The following SLC16A7 variants were observed in gnomAD, a reference collection of about 807,000 sequenced individuals.
SLC16A7 encodes the protein monocarboxylate transporter 2.
In SLC16A7, 33 loss-of-function variants were observed where a neutral mutation model predicts 34.9. The ratio of observed to expected loss-of-function variants is 0.94; its 90% CI spans 0.72 to 1.26. The LOEUF (loss-of-function observed/expected upper bound fraction) is 1.26, where lower values mean the gene tolerates loss of function less well. Ranked by LOEUF, SLC16A7 falls within the 50% of genes most tolerant of loss-of-function variation. SLC16A7 has a pLI of 0.00. For missense variants in SLC16A7, 573 were observed against 578.1 expected, an observed-to-expected ratio of 0.99 and a Z score of 0.09; for synonymous variants, 201 against 206.6, an observed-to-expected ratio of 0.97 and a Z score of 0.23.
intron 2 of SLC16A7, chr12:59,664,920 A>G (rs182783751): frequency 3.3e-5 from 5 of 152,264 alleles, no homozygotes; most frequent in Middle Eastern, 3.4e-3. Context: ...AAAAGTGTCA[A>G]ACGCAGGTTC....
At chr12:59,765,393 A>G (rs1417739238) in intron 3 of SLC16A7, among the ~76,000 whole-genome samples, 2 of 152,242 alleles carry the variant, frequency 1.3e-5, no homozygotes, top group Non-Finnish European at 2.9e-5. Flanking sequence ...TGTTTTACAC[A>G]TGAAGTCCTT....
rs1953575823 is a variant in SLC16A7, at chr12:59,779,918, C to G, written c.*239C>G. 4.0e-5 allele frequency: 15 copies of G among 375,640 alleles called. No homozygotes were observed. In the South Asian group the frequency reaches 5.4e-4, roughly 14 times the overall value. The allele number at this position is 375,640 out of a possible 1,614,324, so 23.3% of individuals were successfully genotyped here. Reference sequence around the variant, plus strand: ...CCATGCTATAGGTTTATTTCCATACCTGACTCTGGGTGTGGTGGTTAAAAT... The same window carrying G: ...CCATGCTATAGGTTTATTTCCATACGTGACTCTGGGTGTGGTGGTTAAAAT... On this transcript the variant is annotated 3_prime_UTR_variant, in exon 6 of 6. Coordinates refer to ENST00000547379, the MANE Select transcript of SLC16A7 (RefSeq NM_001270623.2).
intron 2 of SLC16A7, among the ~76,000 whole-genome samples, chr12:59,697,298 A>G (rs1240978975): frequency 6.6e-6 from 1 of 152,028 alleles, no homozygotes; most frequent in African/African-American, 2.4e-5. Flanking sequence ...ATTCAGAACC[A>G]TTAACGAAAG....
intron 4 of SLC16A7, 73 bp downstream of exon 4, chr12:59,771,435 C>A: frequency 9.5e-7 from 1 of 1,055,006 alleles, no homozygotes; most frequent in Non-Finnish European, 1.3e-6. Context: ...GAATGAACAA[C>A]AGAAAATTCT....
At chr12:59,625,642 A>G (rs999733698) in intron 1 of SLC16A7, among the ~76,000 whole-genome samples, 2 of 151,960 alleles carry the variant, frequency 1.3e-5, no homozygotes, top group Admixed American at 1.3e-4. Context: ...TGAAAATAAG[A>G]GTAACAATTT....
chr12:59,780,291 G>A lies in SLC16A7; in HGVS notation c.*612G>A, dbSNP rs1883150461. 6.6e-6 allele frequency: 1 copy of A among 152,030 alleles called. No homozygotes were observed. The highest frequency in any genetic ancestry group is 6.6e-5 in the Admixed American group (1 of 15,224). 9.4% of individuals were successfully genotyped at this position (152,030 alleles called of 1,614,324 possible). A position where few individuals can be genotyped will look rare whatever the true frequency, so the allele number is the denominator to read the frequency against. Reference sequence around the variant, plus strand: ...GTCTGCGTGCTACTTTACAATGTTGGTTTTAAAGATAAGCACATGGGTAAA... The same window carrying A: ...GTCTGCGTGCTACTTTACAATGTTGATTTTAAAGATAAGCACATGGGTAAA... On this transcript the variant is annotated 3_prime_UTR_variant, in exon 6 of 6. Coordinates refer to ENST00000547379, the MANE Select transcript of SLC16A7 (RefSeq NM_001270623.2).
chr12:59,758,624 T>TCATAA (rs1443858959), intron 3 of SLC16A7, among the ~76,000 whole-genome samples: 2 of 152,108 alleles, frequency 1.3e-5, no homozygotes, highest in African/African-American at 4.8e-5. Context: ...GGAATCATAA[T>TCATAA]GATTACCAGT....
chr12:59,723,337 A>C (rs990636385), intron 3 of SLC16A7, among the ~76,000 whole-genome samples: 3 of 151,954 alleles, frequency 2.0e-5, no homozygotes, highest in Non-Finnish European at 2.9e-5. Context: ...CATTTAATAA[A>C]CATGTATTGA....
rs1879878475 is a variant in SLC16A7 at position 59,625,301 on chromosome 12, C to T, written c.-130+29065C>T. Among the ~76,000 whole-genome samples the T allele has an allele frequency of 2.6e-5, 4 of 151,936 alleles. No individual in the cohort carries two copies. The South Asian group carries it at 8.3e-4, about 32-fold the overall frequency. ...GCAAAATGACCTCACACTTCTAGTG[C>T]CCAGCACAATTCAACTGATGCAGTC... On this transcript the variant is annotated intron_variant, in intron 1 of 5. Coordinates refer to ENST00000547379, the MANE Select transcript of SLC16A7 (RefSeq NM_001270623.2).
At chr12:59,738,287 A>G (rs1877838353) in intron 3 of SLC16A7, among the ~76,000 whole-genome samples, 1 of 152,190 alleles carries the variant, frequency 6.6e-6, no homozygotes, top group Non-Finnish European at 1.5e-5. Context: ...TAAAATATGC[A>G]ACTATACTAT....
At chr12:59,689,834 G>A (rs1482340821) in intron 2 of SLC16A7, among the ~76,000 whole-genome samples, 2 of 151,904 alleles carry the variant, frequency 1.3e-5, no homozygotes, top group African/African-American at 4.8e-5. Flanking sequence ...TTTTTCCTAA[G>A]TTGAAAGGTG....
At chr12:59,670,101 C>T (rs1333768591) in intron 2 of SLC16A7, among the ~76,000 whole-genome samples, 1 of 152,164 alleles carries the variant, frequency 6.6e-6, no homozygotes, top group African/African-American at 2.4e-5. Flanking sequence ...AGGGGAATAT[C>T]CTCCCTTGCC....
intron 3 of SLC16A7, among the ~76,000 whole-genome samples, chr12:59,764,357 G>C (rs1881338493): frequency 1.3e-5 from 2 of 152,280 alleles, no homozygotes; most frequent in Admixed American, 6.5e-5. Context: ...TATACTTTAA[G>C]TTTTAGAGTA....
intron 3 of SLC16A7, among the ~76,000 whole-genome samples, chr12:59,742,213 C>A (rs1368870788): frequency 6.6e-5 from 10 of 152,152 alleles, no homozygotes; most frequent in Non-Finnish European, 1.2e-4. Context: ...TAGAGTGCCC[C>A]TGGAAAGTCA....
At chr12:59,642,859 A>G (rs1190476314) in intron 1 of SLC16A7, among the ~76,000 whole-genome samples, 1 of 152,118 alleles carries the variant, frequency 6.6e-6, no homozygotes, top group Non-Finnish European at 1.5e-5. Context: ...AGAGTAAAGA[A>G]TTCTGAAACT....
intron 1 of SLC16A7, among the ~76,000 whole-genome samples, chr12:59,645,533 G>A (rs759683085): frequency 1.7e-4 from 26 of 152,154 alleles, no homozygotes; most frequent in Non-Finnish European, 2.8e-4. Context: ...TACCATGATT[G>A]TAAGCTTCTT....
At chr12:59,652,151 T>C (rs1366259019) in intron 1 of SLC16A7, among the ~76,000 whole-genome samples, 1 of 152,022 alleles carries the variant, frequency 6.6e-6, no homozygotes, top group Non-Finnish European at 1.5e-5. Context: ...TCTAAAACAG[T>C]CTCTTATTTT....
intron 3 of SLC16A7, among the ~76,000 whole-genome samples, chr12:59,714,968 C>G (rs1317211584): frequency 3.9e-5 from 6 of 152,134 alleles, no homozygotes; most frequent in Non-Finnish European, 7.4e-5. Context: ...GGTCTTAACT[C>G]CACAGACAGA....
intron 3 of SLC16A7, chr12:59,733,621 C>T (rs1488949592): frequency 9.2e-6 from 4 of 433,182 alleles, no homozygotes; most frequent in Non-Finnish European, 1.9e-5. Context: ...TCCCAAAGGG[C>T]CACAGCTCCT....
Sources: allele counts gnomAD v4.1 joint callset (sites outside exome capture counted in the v4.1 genomes callset), GRCh38; gene constraint gnomAD v4.1.1; transcripts MANE v1.5; gene names NCBI Gene and HGNC (gene_info 2026-07-23, HGNC 2026-07-21).